The following HK2 variants were observed in gnomAD, a reference collection of about 807,000 sequenced individuals.
HK2 encodes hexokinase 2, also known as hexokinase-2.
In HK2, 42 loss-of-function variants were observed where a neutral mutation model predicts 92.9. The ratio of observed to expected loss-of-function variants is 0.45; its 90% CI spans 0.35 to 0.58. The LOEUF (loss-of-function observed/expected upper bound fraction) is 0.58, where lower values mean the gene tolerates loss of function less well. Ranked by LOEUF, HK2 falls within the 20% of genes least tolerant of loss-of-function variation. The pLI, the probability that HK2 is intolerant of heterozygous loss-of-function variation, is 0.00. For missense variants in HK2, 978 were observed against 1,245.1 expected (o/e 0.79, Z 3.23); for synonymous variants, 422 against 468.0 (o/e 0.90, Z 1.27).
chr2:74,847,332 C>T (rs1688465732), intron 1 of HK2, among the ~76,000 whole-genome samples: 1 of 152,076 alleles, frequency 6.6e-6, no homozygotes, highest in Non-Finnish European at 1.5e-5. Context: ...GTTCAGCTTT[C>T]AGTAAAAAGA....
At chr2:74,847,679 T>G (rs1573357887) in intron 1 of HK2, among the ~76,000 whole-genome samples, 1 of 151,774 alleles carries the variant, frequency 6.6e-6, no homozygotes. Context: ...CACTCCAGCC[T>G]GGGCAGCCGA....
intron 3 of HK2, 30 bp downstream of exon 3, chr2:74,867,814 G>A (rs1688995834): frequency 2.5e-6 from 4 of 1,613,670 alleles, no homozygotes; most frequent in Non-Finnish European, 3.4e-6. Context: ...GCAGCCCCTG[G>A]TGACAAAAAA....
At chr2:74,868,563 TC>T in intron 3 of HK2, among the ~76,000 whole-genome samples, 1 of 152,300 alleles carries the variant, frequency 6.6e-6, no homozygotes, top group African/African-American at 2.4e-5. Context: ...CTAGTACTCT[TC>T]GTGTTTTTTT....
intron 2 of HK2, among the ~76,000 whole-genome samples, 195 bp downstream of exon 2, chr2:74,854,650 G>A (rs771896450): frequency 3.0e-4 from 45 of 152,348 alleles, no homozygotes; most frequent in Middle Eastern, 3.4e-3. Context: ...GGCAGTTAAG[G>A]GAGGGCACCT....
At position 74,834,463 on chromosome 2, in the gene HK2, T is replaced by A; in HGVS notation, c.-118T>A. 9.9e-7 allele frequency: 1 copy of A among 1,005,726 alleles called. No homozygotes were observed. Among genetic ancestry groups the A allele is most frequent in the South Asian group, 1.3e-5 (1 of 75,456 alleles). 62.3% of individuals were successfully genotyped at this position (1,005,726 alleles called of 1,614,324 possible). A position where few individuals can be genotyped will look rare whatever the true frequency, so the allele number is the denominator to read the frequency against. On this transcript the variant is annotated 5_prime_UTR_variant, in exon 1 of 18. Coordinates refer to ENST00000290573, the MANE Select transcript of HK2 (RefSeq NM_000189.5). This position sits in a 1 kb window ranked among gnomAD's most constrained non-coding sequence, Gnocchi z 4.2. Reference sequence around the variant, plus strand: ...AGCCTTCTTTGTGCGCCGTCCGGACTCCCAGCTCCCGGCCCGGCAGCCGAG... The same window carrying A: ...AGCCTTCTTTGTGCGCCGTCCGGACACCCAGCTCCCGGCCCGGCAGCCGAG...
At chr2:74,873,661 A>G (rs1689153593) in intron 5 of HK2, among the ~76,000 whole-genome samples, 183 bp from the exon 6 acceptor site, 1 of 151,584 alleles carries the variant, frequency 6.6e-6, no homozygotes, top group South Asian at 2.1e-4. Flanking sequence ...TGATGTTGAC[A>G]TGGGAGTGGA....
At chr2:74,885,134 G>A (rs959143018) in intron 12 of HK2, among the ~76,000 whole-genome samples, 19 of 152,194 alleles carry the variant, frequency 1.2e-4, no homozygotes, top group African/African-American at 2.4e-4. Context: ...CACTGGGGTC[G>A]GAGGGCCTCG....
In HK2 at chr2:74,886,488, A is replaced by T. The variant is rs1191077957; in HGVS notation, c.2036-2A>T. 1 of 1,613,900 alleles carries T rather than the reference A, an allele frequency of 6.2e-7. No homozygotes were observed. The highest frequency in any genetic ancestry group is 8.5e-7 in the Non-Finnish European group (1 of 1,179,980). ...GAGGCCCTGGTATCCTGTGATTGGC[A>T]GGCACGGGCAGCAATGCCTGCTACA... On this transcript the variant is annotated splice_acceptor_variant, in intron 14 of 17. Coordinates refer to ENST00000290573, the MANE Select transcript of HK2 (RefSeq NM_000189.5). LOFTEE classifies it high-confidence loss of function.
At chr2:74,875,557 G>A (rs1019593242) in intron 7 of HK2, among the ~76,000 whole-genome samples, 1 of 152,070 alleles carries the variant, frequency 6.6e-6, no homozygotes, top group African/African-American at 2.4e-5. Flanking sequence ...TCGAACTCCC[G>A]ACCTCAGGCG....
At chr2:74,877,990 C>T (rs1573384467) in intron 8 of HK2, among the ~76,000 whole-genome samples, 2 of 152,272 alleles carry the variant, frequency 1.3e-5, no homozygotes, top group Middle Eastern at 6.8e-3. Context: ...AGCAGTGGAA[C>T]AGTGCCAATG....
At chr2:74,838,773 C>T (rs3771793) in intron 1 of HK2, among the ~76,000 whole-genome samples, 34,524 of 151,978 alleles carry the variant, frequency 0.23, 4,386 homozygotes, top group South Asian at 0.35. Flanking sequence ...CTCCTGACCT[C>T]GTGATCTGCC....
At chr2:74,861,638 C>G (rs565288143) in intron 2 of HK2, among the ~76,000 whole-genome samples, 1 of 152,162 alleles carries the variant, frequency 6.6e-6, no homozygotes, top group Admixed American at 6.5e-5. Context: ...CATAGATAGT[C>G]CTGACTCCAC....
At chr2:74,852,605 T>C (rs1207904010) in intron 1 of HK2, among the ~76,000 whole-genome samples, 1 of 152,004 alleles carries the variant, frequency 6.6e-6, no homozygotes, top group African/African-American at 2.4e-5. Context: ...CCCACAGCCC[T>C]GGAGGTTGTG....
chr2:74,846,469 C>T (rs1318863355), intron 1 of HK2, among the ~76,000 whole-genome samples: 1 of 152,226 alleles, frequency 6.6e-6, no homozygotes, highest in Admixed American at 6.5e-5. Flanking sequence ...AATCACTGTC[C>T]TGACTAACAG....
intron 3 of HK2, among the ~76,000 whole-genome samples, chr2:74,870,554 CT>C (rs60629948): frequency 0.034 from 4,239 of 123,098 alleles, 50 homozygotes; most frequent in African/African-American, 0.055. Context: ...CTGCATCTCC[CT>C]TTTTTTTTTT....
At chr2:74,851,148 G>C (rs985600998) in intron 1 of HK2, among the ~76,000 whole-genome samples, 6 of 152,228 alleles carry the variant, frequency 3.9e-5, no homozygotes, top group Admixed American at 6.5e-5. Flanking sequence ...AGGCGAGGGT[G>C]GCTGTCCTGA....
chr2:74,887,135 A>G (rs1689558483), intron 15 of HK2, among the ~76,000 whole-genome samples: 1 of 152,214 alleles, frequency 6.6e-6, no homozygotes, highest in Non-Finnish European at 1.5e-5. Context: ...ATAGCTTAAG[A>G]TCTAACACAC....
chr2:74,848,184 CTG>C (rs1688487341), intron 1 of HK2, among the ~76,000 whole-genome samples: 1 of 152,148 alleles, frequency 6.6e-6, no homozygotes, highest in East Asian at 1.9e-4. Flanking sequence ...CCACTTAAAT[CTG>C]TGACACTTCC....
rs369111935 is a variant in HK2 at position 74,885,533 on chromosome 2, G to T, written c.1879G>T (p.Gly627Cys). 32 of 1,613,914 alleles carry T rather than the reference G, an allele frequency of 2.0e-5. No individual in the cohort carries two copies. The African/African-American group carries it at 4.1e-4, about 21-fold the overall frequency. ...GTGGACAAAAGGCTTCAAGGCATCT[G>T]GCTGCGAGGGCGAGGACGTGGTGAC... ...LKWTKGFKAS[G>C]CEGEDVVTLL... The change falls in exon 13 of 18, where the codon GGC (glycine) becomes TGC (cysteine). Residue 627 changes from glycine (G) to cysteine (C), a missense_variant. Gly to Cys is a radical substitution (Grantham distance 159). This residue lies in a region of HK2 where 742 missense variants were observed against 922.5 expected (regional missense o/e 0.80). Coordinates refer to ENST00000290573, the MANE Select transcript of HK2 (RefSeq NM_000189.5).
Sources: gnomAD v4.1 joint callset for allele counts (sites outside exome capture counted in the v4.1 genomes callset) on GRCh38, gnomAD v4.1.1 for gene constraint, gnomAD v4.1.1 regional missense constraint, Gnocchi (gnomAD v3.1) non-coding constraint, MANE v1.5 for transcripts, NCBI Gene and HGNC (gene_info 2026-07-23, HGNC 2026-07-21) for gene names.